UGT1A3: variants seen among roughly 807,000 people sequenced by gnomAD.
UGT1A3 encodes UDP glucuronosyltransferase family 1 member A3.
Under a neutral mutation model 41.0 loss-of-function variants are expected in UGT1A3, and 31 were observed. That is an observed-to-expected ratio of 0.76 (90% CI 0.57 to 1.02). The LOEUF (loss-of-function observed/expected upper bound fraction) is 1.02. Ranked by LOEUF, UGT1A3 falls within the 50% of genes least tolerant of loss-of-function variation. The probability of loss-of-function intolerance (pLI) is 0.00; values close to 1 mark genes in which losing one functional copy is unlikely to be tolerated. For missense variants in UGT1A3, 737 were observed against 671.0 expected, an observed-to-expected ratio of 1.10 and a Z score of -1.09; for synonymous variants, 262 against 257.6, an observed-to-expected ratio of 1.02 and a Z score of -0.17.
intron 1 of UGT1A3, among the ~76,000 whole-genome samples, chr2:233,749,087 T>C (rs1694105720): frequency 1.3e-5 from 2 of 151,858 alleles, no homozygotes; most frequent in African/African-American, 2.4e-5. Context: ...GTGTGCCATG[T>C]ATTTCATGAG....
At chr2:233,760,854 A>G (rs1484529222) in intron 1 of UGT1A3, 1 of 1,613,796 alleles carries the variant, frequency 6.2e-7, no homozygotes, top group Non-Finnish European at 8.5e-7. Context: ...GCCCCAACCC[A>G]TTCTCCTACG....
At chr2:233,737,511 CCT>C (rs2078889208) in intron 1 of UGT1A3, among the ~76,000 whole-genome samples, 2 of 152,340 alleles carry the variant, frequency 1.3e-5, no homozygotes, top group South Asian at 4.1e-4. Flanking sequence ...TCTTGCACTT[CCT>C]AGGTGAGGCG....
chr2:233,757,561 T>TATATATATATATATATATATATATATAA (rs71058576), intron 1 of UGT1A3, among the ~76,000 whole-genome samples: 1 of 121,180 alleles, frequency 8.3e-6, no homozygotes, highest in Admixed American at 7.9e-5. Context: ...TATATATATA[T>TATATATATATATATATATATATATATAA]GTATATATGA....
In UGT1A3 at chr2:233,753,335, C is replaced by T. The variant is rs1327117570; in HGVS notation, c.868-13699C>T. 3.9e-5 allele frequency: 6 copies of T among 151,986 alleles called. No homozygotes were observed. The East Asian group carries it at 9.6e-4, about 24-fold the overall frequency. 9.4% of individuals were successfully genotyped at this position (151,986 alleles called of 1,614,324 possible). A position where few individuals can be genotyped will look rare whatever the true frequency, so the allele number is the denominator to read the frequency against. ...CTGTGGGATGGTGCCAGCTGACTGC[C>T]ATTTTCCTGCTGTTTATTACTTGGG... On this transcript the variant is annotated intron_variant, in intron 1 of 4. Coordinates refer to ENST00000482026, the MANE Select transcript of UGT1A3 (RefSeq NM_019093.4).
intron 3 of UGT1A3, 137 bp downstream of exon 3, chr2:233,768,073 G>T: frequency 6.3e-7 from 1 of 1,593,970 alleles, no homozygotes; most frequent in Non-Finnish European, 8.6e-7. Context: ...TATCTAGTGG[G>T]GTATCTCAAC....
Position 233,729,133 on chromosome 2 carries a change from A to G in UGT1A3, c.7A>G (p.Thr3Ala). The G allele has an allele frequency of 6.2e-7, 1 of 1,613,236 alleles. No homozygotes were observed. The highest frequency in any genetic ancestry group is 8.5e-7 in the Non-Finnish European group (1 of 1,179,914). The change falls in exon 1 of 5, where the codon ACA (threonine) becomes GCA (alanine). Residue 3 changes from threonine to alanine, a missense_variant. Physicochemically the swap from Thr to Ala is moderately conservative, Grantham distance 58. Coordinates refer to ENST00000482026, the MANE Select transcript of UGT1A3 (RefSeq NM_019093.4). The stretch of plus-strand genomic sequence containing the variant: ...GTCCGTGTCTTCTGCTGAGATGGCC[A>G]CAGGACTCCAGGTTCCCCTGCCGTG... MA[T>A]GLQVPLPWLA...
rs1700543708 is a variant in UGT1A3 at position 233,772,722 on chromosome 2, T to TA, written c.*164dup. On this transcript the variant is annotated 3_prime_UTR_variant, in exon 5 of 5. Transcript: ENST00000482026. ...AAAAAATTCTCTTAAATAAAAATAA[T>TA]AGACTCGCTAGTCAGTAAAGATATT... 1 of 1,454,026 alleles carries TA rather than the reference T, an allele frequency of 6.9e-7. No homozygotes were observed. The highest frequency in any genetic ancestry group is 9.0e-7 in the Non-Finnish European group (1 of 1,106,108). The allele number at this position is 1,454,026 out of a possible 1,614,324, so 90.1% of individuals were successfully genotyped here. A position where few individuals can be genotyped will look rare whatever the true frequency, so the allele number is the denominator to read the frequency against.
intron 1 of UGT1A3, chr2:233,740,664 A>G (rs1345559084): frequency 6.6e-6 from 1 of 151,798 alleles, no homozygotes; most frequent in East Asian, 1.9e-4. Context: ...GTGAGAAGGT[A>G]CAGGTGTTTC....
rs1014873450 is a variant in UGT1A3, at chr2:233,765,562, T to G, written c.868-1472T>G. Among the ~76,000 whole-genome samples, 9 of 151,822 alleles carry G rather than the reference T, an allele frequency of 5.9e-5. No homozygotes were observed. In the East Asian group the frequency reaches 1.7e-3, roughly 29 times the overall value. Reference sequence around the variant, plus strand: ...ATAAGTGGGAGTTGAACAGTGAGAATGCGTAGACGCAGGGAGGGGAACAAC... The same window carrying G: ...ATAAGTGGGAGTTGAACAGTGAGAAGGCGTAGACGCAGGGAGGGGAACAAC... On this transcript the variant is annotated intron_variant, in intron 1 of 4. Transcript: ENST00000482026.
intron 1 of UGT1A3, among the ~76,000 whole-genome samples, chr2:233,731,827 A>G (rs1471240623): frequency 6.6e-6 from 1 of 152,154 alleles, no homozygotes; most frequent in Admixed American, 6.5e-5. Flanking sequence ...GTCAAATGGT[A>G]TTTCTAGTTC....
chr2:233,749,231 T>A (rs10178992), intron 1 of UGT1A3, among the ~76,000 whole-genome samples: 55,848 of 151,690 alleles, frequency 0.37, 10,811 homozygotes, highest in African/African-American at 0.42. Context: ...CTTCATTTTT[T>A]AAAATCAAAC....
At chr2:233,745,616 T>G (rs1169913759) in intron 1 of UGT1A3, among the ~76,000 whole-genome samples, 1 of 151,452 alleles carries the variant, frequency 6.6e-6, no homozygotes, top group African/African-American at 2.4e-5. Context: ...AAGCACACAA[T>G]GAACAGTCAT....
At chr2:233,730,026 C>G (rs2077971569) in intron 1 of UGT1A3, 33 bp downstream of exon 1, 3 of 1,613,402 alleles carry the variant, frequency 1.9e-6, no homozygotes, top group African/African-American at 2.7e-5. Flanking sequence ...AATCAATGTT[C>G]CAGGCAAAAC....
chr2:233,738,222 T>G (rs937351311), intron 1 of UGT1A3, among the ~76,000 whole-genome samples: 9 of 152,076 alleles, frequency 5.9e-5, no homozygotes, highest in African/African-American at 1.9e-4. Context: ...ATTATAAGTT[T>G]CCTGAGGCCC....
chr2:233,730,167 A>T (rs999058879), intron 1 of UGT1A3, among the ~76,000 whole-genome samples, 174 bp downstream of exon 1: 1 of 152,206 alleles, frequency 6.6e-6, no homozygotes, highest in African/African-American at 2.4e-5. Flanking sequence ...CTAGTAGCGT[A>T]TTTCAGGTTT....
intron 1 of UGT1A3, among the ~76,000 whole-genome samples, chr2:233,736,694 G>T (rs2078793950): frequency 6.6e-6 from 1 of 152,122 alleles, no homozygotes; most frequent in South Asian, 2.1e-4. Context: ...CCTACAGATG[G>T]GGTTTTGGTG....
intron 1 of UGT1A3, chr2:233,742,007 T>G (rs1248075328): frequency 3.3e-5 from 5 of 151,958 alleles, no homozygotes; most frequent in Admixed American, 3.3e-4. Flanking sequence ...TACACTTGGC[T>G]TTCATCAACC....
chr2:233,744,576 G>A (rs371492922), intron 1 of UGT1A3, among the ~76,000 whole-genome samples: 6 of 151,982 alleles, frequency 3.9e-5, no homozygotes, highest in South Asian at 4.2e-4. Flanking sequence ...GAGTGGCATC[G>A]TTTTACAGTT....
chr2:233,729,086 A>G lies in UGT1A3; in HGVS notation c.-41A>G. ...TGAAGAAAGCAAATGTAGCAGGCACAGCGTGGGGTGGACAGTCAGCTGTCC... is the reference window on the plus strand; with the variant it reads ...TGAAGAAAGCAAATGTAGCAGGCACGGCGTGGGGTGGACAGTCAGCTGTCC... On this transcript the variant is annotated 5_prime_UTR_variant, in exon 1 of 5. Coordinates refer to ENST00000482026, the MANE Select transcript of UGT1A3 (RefSeq NM_019093.4). The G allele has an allele frequency of 6.2e-7, 1 of 1,612,434 alleles. No homozygotes were observed. Among genetic ancestry groups the G allele is most frequent in the African/African-American group, 1.3e-5 (1 of 75,018 alleles).
Sources: gnomAD v4.1 joint callset for allele counts (sites outside exome capture counted in the v4.1 genomes callset) on GRCh38, gnomAD v4.1.1 for gene constraint, MANE v1.5 for transcripts, NCBI Gene and HGNC (gene_info 2026-07-23, HGNC 2026-07-21) for gene names.